Variants in QTMAN observed in about 807,000 individuals in gnomAD.
QTMAN encodes the protein queuosine-tRNA mannosyltransferase.
chr2:144,288,097 T>C, the QTMAN span, among the ~76,000 whole-genome samples: 3 of 152,026 alleles, frequency 2.0e-5, no homozygotes, highest in African/African-American at 7.2e-5. Context: ...TCTCGATCTC[T>C]TGACCTCATC....
chr2:144,056,800 C>T, the QTMAN span, among the ~76,000 whole-genome samples: 1 of 152,202 alleles, frequency 6.6e-6, no homozygotes, highest in Non-Finnish European at 1.5e-5. Context: ...GTGAACCTGG[C>T]TTTGAGAATC....
At chr2:144,313,907 C>A in the QTMAN span, among the ~76,000 whole-genome samples, 1 of 151,432 alleles carries the variant, frequency 6.6e-6, no homozygotes, top group Non-Finnish European at 1.5e-5. Flanking sequence ...GTACAAAATA[C>A]AGACATCTAC....
At chr2:144,234,700 A>G in the QTMAN span, among the ~76,000 whole-genome samples, 1 of 152,196 alleles carries the variant, frequency 6.6e-6, no homozygotes. Flanking sequence ...CACTTGCCTC[A>G]GATGTTATAC....
the QTMAN span, among the ~76,000 whole-genome samples, chr2:144,126,159 G>A: frequency 6.6e-6 from 1 of 151,908 alleles, no homozygotes; most frequent in South Asian, 2.1e-4. Context: ...TACTGAAAAT[G>A]GTGTCATGAT....
the QTMAN span, among the ~76,000 whole-genome samples, chr2:144,238,275 T>C: frequency 1.3e-5 from 2 of 152,222 alleles, no homozygotes; most frequent in African/African-American, 2.4e-5. Flanking sequence ...AATTTTGTAG[T>C]GAAGGCATTT....
the QTMAN span, among the ~76,000 whole-genome samples, chr2:144,321,950 G>A: frequency 6.6e-6 from 1 of 152,088 alleles, no homozygotes; most frequent in South Asian, 2.1e-4. Context: ...CCAATAGAGT[G>A]GTATCAAGTG....
At chr2:144,066,136 C>T in the QTMAN span, among the ~76,000 whole-genome samples, 1 of 151,686 alleles carries the variant, frequency 6.6e-6, no homozygotes, top group African/African-American at 2.4e-5. Context: ...TTTTTCTTTC[C>T]TCTCATTCTT....
At chr2:144,089,659 C>T in the QTMAN span, among the ~76,000 whole-genome samples, 1 of 151,964 alleles carries the variant, frequency 6.6e-6, no homozygotes, top group African/African-American at 2.4e-5. Flanking sequence ...AACTGGAGGT[C>T]TCTCTCCAGG....
At chr2:144,108,476 A>G in the QTMAN span, among the ~76,000 whole-genome samples, 3 of 152,024 alleles carry the variant, frequency 2.0e-5, no homozygotes, top group African/African-American at 7.3e-5. Context: ...TGTCTCTACT[A>G]AAAATACAAA....
chr2:144,182,725 A>G, the QTMAN span, among the ~76,000 whole-genome samples: 1 of 132,876 alleles, frequency 7.5e-6, no homozygotes, highest in Non-Finnish European at 1.6e-5. Flanking sequence ...AGTAGGCTGT[A>G]ATCAGGTGAA....
chr2:143,992,807 AT>A, the QTMAN span, among the ~76,000 whole-genome samples: 3 of 152,194 alleles, frequency 2.0e-5, no homozygotes, highest in Non-Finnish European at 4.4e-5. Flanking sequence ...GTAAGTTTGT[AT>A]ATTAAAATCA....
the QTMAN span, among the ~76,000 whole-genome samples, chr2:144,014,014 G>A: frequency 5.9e-5 from 9 of 151,970 alleles, no homozygotes; most frequent in Admixed American, 1.3e-4. Flanking sequence ...CCATTCCTCC[G>A]TCACACTATC....
the QTMAN span, among the ~76,000 whole-genome samples, chr2:144,307,193 A>G: frequency 6.7e-6 from 1 of 150,176 alleles, no homozygotes. Context: ...ACAATTAAAA[A>G]AAAAAAAAAG....
chr2:144,182,826 ATAATATATATATAT>A, the QTMAN span, among the ~76,000 whole-genome samples: 1 of 69,980 alleles, frequency 1.4e-5, no homozygotes, highest in African/African-American at 6.0e-5. Flanking sequence ...TATTATATAT[ATAATATATATATAT>A]TATATATATA....
chr2:144,225,515 C>G, the QTMAN span, among the ~76,000 whole-genome samples: 1 of 152,156 alleles, frequency 6.6e-6, no homozygotes, highest in Non-Finnish European at 1.5e-5. Context: ...AAGCTCCATT[C>G]TAGCCTCAAT....
chr2:144,286,789 T>C, the QTMAN span, among the ~76,000 whole-genome samples: 1 of 152,172 alleles, frequency 6.6e-6, no homozygotes, highest in Admixed American at 6.5e-5. Flanking sequence ...AAAAAAATGG[T>C]ATCACACTGC....
At chr2:143,969,662 C>T in the QTMAN span, among the ~76,000 whole-genome samples, 21 of 152,106 alleles carry the variant, frequency 1.4e-4, no homozygotes, top group Non-Finnish European at 2.4e-4. Context: ...AGCTTTACAG[C>T]GAAAGAAAAT....
At chr2:144,233,412 T>C in the QTMAN span, among the ~76,000 whole-genome samples, 3 of 152,178 alleles carry the variant, frequency 2.0e-5, no homozygotes, top group Non-Finnish European at 4.4e-5. Flanking sequence ...AAAAAATATT[T>C]CTTTTCACAA....
At chr2:144,071,874 A>T in the QTMAN span, among the ~76,000 whole-genome samples, 1 of 152,160 alleles carries the variant, frequency 6.6e-6, no homozygotes, top group Non-Finnish European at 1.5e-5. Context: ...CTTAAATCTT[A>T]GAAGTGCACA....
Sources: allele counts gnomAD v4.1 joint callset (sites outside exome capture counted in the v4.1 genomes callset), GRCh38; gene constraint gnomAD v4.1.1; transcripts MANE v1.5; gene names NCBI Gene and HGNC (gene_info 2026-07-23, HGNC 2026-07-21).